RBFOX1: variants seen among roughly 807,000 people sequenced by gnomAD.
RBFOX1 encodes the protein RNA binding fox-1 homolog 1.
In RBFOX1, 8 loss-of-function variants were observed where a neutral mutation model predicts 57.7. The ratio of observed to expected loss-of-function variants is 0.14; its 90% confidence interval spans 0.08 to 0.25. RBFOX1 has a LOEUF of 0.25. Ranked by LOEUF, RBFOX1 falls within the 10% of genes least tolerant of loss-of-function variation. RBFOX1 has a pLI of 1.00. For missense variants in RBFOX1, 611 were observed against 548.5 expected, an observed-to-expected ratio of 1.11 and a Z score of -1.14; for synonymous variants, 326 against 222.4, an observed-to-expected ratio of 1.47 and a Z score of -4.15.
At chr16:5,914,697 C>G (rs1171564310) in intron 4 of RBFOX1, among the ~76,000 whole-genome samples, 1 of 152,102 alleles carries the variant, frequency 6.6e-6, no homozygotes, top group Admixed American at 6.6e-5. Flanking sequence ...GAGATTGAGA[C>G]CATCCTGGCT....
chr16:6,549,291 G>C (rs1320063003), intron 2 of RBFOX1, among the ~76,000 whole-genome samples: 1 of 6,332 alleles, frequency 1.6e-4, no homozygotes, highest in Admixed American at 1.3e-3. Flanking sequence ...GGAGGGAGGA[G>C]TAGGAGGGAG....
chr16:6,133,557 T>A (rs1015175964), intron 1 of RBFOX1, among the ~76,000 whole-genome samples: 1 of 152,176 alleles, frequency 6.6e-6, no homozygotes, highest in Admixed American at 6.5e-5. Flanking sequence ...CCCTCCCCAT[T>A]AGTTCTTTCA....
At chr16:6,032,712 CA>C (rs1453306812) in intron 1 of RBFOX1, among the ~76,000 whole-genome samples, 1 of 152,006 alleles carries the variant, frequency 6.6e-6, no homozygotes, top group Non-Finnish European at 1.5e-5. Flanking sequence ...AAAAACAACA[CA>C]AGTATATTCT....
At chr16:7,278,152 G>C (rs550523455) in intron 4 of RBFOX1, among the ~76,000 whole-genome samples, 2 of 152,128 alleles carry the variant, frequency 1.3e-5, no homozygotes, top group African/African-American at 4.8e-5. Context: ...GGTAAATTCT[G>C]TGCACGTGGT....
chr16:6,589,663 G>C (rs528080479), intron 2 of RBFOX1, among the ~76,000 whole-genome samples: 2 of 152,328 alleles, frequency 1.3e-5, no homozygotes, highest in Admixed American at 1.3e-4. Flanking sequence ...TTCTAATCTT[G>C]TGGCTCATTT....
At chr16:6,138,030 A>T (rs1197049574) in intron 1 of RBFOX1, among the ~76,000 whole-genome samples, 1 of 152,196 alleles carries the variant, frequency 6.6e-6, no homozygotes. Context: ...GCAACGCTTC[A>T]ATCCTAGGTG....
intron 4 of RBFOX1, among the ~76,000 whole-genome samples, chr16:7,419,633 G>A (rs2098520164): frequency 6.6e-6 from 1 of 152,202 alleles, no homozygotes; most frequent in South Asian, 2.1e-4. Context: ...CCTCTCCGCA[G>A]CCCTCAGGGA....
intron 4 of RBFOX1, among the ~76,000 whole-genome samples, chr16:7,242,003 G>A (rs2094089606): frequency 6.6e-6 from 1 of 152,012 alleles, no homozygotes; most frequent in Admixed American, 6.6e-5. Flanking sequence ...ACTTTGGATT[G>A]GTAATCCCTT....
chr16:7,624,211 A>G (rs79242153), intron 10 of RBFOX1, among the ~76,000 whole-genome samples: 1,894 of 152,322 alleles, frequency 0.012, 12 homozygotes, highest in Non-Finnish European at 0.022. Context: ...ATATTGAAAA[A>G]AGCTTTTTCT....
rs369779187 is a variant in RBFOX1 at position 7,399,313 on chromosome 16, G to A, written c.28-118834G>A. ...AAATACAAAATTAGCCAAGTGCGAT[G>A]GCGCATGCCTGTAATCGCAGCTACG... On this transcript the variant is annotated intron_variant, in intron 4 of 15. Coordinates refer to ENST00000550418, the MANE Select transcript of RBFOX1 (RefSeq NM_018723.4). 2.1e-4 allele frequency among the ~76,000 whole-genome samples: 32 copies of A among 152,296 alleles called. No homozygotes were observed. In the East Asian group the frequency reaches 6.2e-3, roughly 29 times the overall value.
At chr16:5,949,700 C>T (rs1467639692) in intron 4 of RBFOX1, among the ~76,000 whole-genome samples, 2 of 152,094 alleles carry the variant, frequency 1.3e-5, no homozygotes, top group Non-Finnish European at 2.9e-5. Context: ...TTTTGTAGAA[C>T]AGCAGTTCTC....
intron 3 of RBFOX1, among the ~76,000 whole-genome samples, chr16:6,923,502 C>A (rs1001854888): frequency 1.3e-5 from 2 of 152,044 alleles, no homozygotes; most frequent in Admixed American, 1.3e-4. Context: ...CACTGCACTC[C>A]AGCCTGGATG....
intron 3 of RBFOX1, among the ~76,000 whole-genome samples, chr16:5,788,223 G>A (rs1048807416): frequency 1.3e-5 from 2 of 152,170 alleles, no homozygotes; most frequent in African/African-American, 4.8e-5. Flanking sequence ...TACCCTGGAT[G>A]GAGAGAAGAA....
intron 3 of RBFOX1, among the ~76,000 whole-genome samples, chr16:6,809,141 G>A (rs1012318655): frequency 6.6e-6 from 1 of 152,126 alleles, no homozygotes; most frequent in African/African-American, 2.4e-5. Flanking sequence ...AGCTGTTTGT[G>A]TACCTCACTG....
chr16:6,294,000 A>T (rs992730227), intron 1 of RBFOX1, among the ~76,000 whole-genome samples: 3 of 152,156 alleles, frequency 2.0e-5, no homozygotes, highest in African/African-American at 7.2e-5. Flanking sequence ...CTTATCCTCT[A>T]AATATTTAAA....
At chr16:7,393,896 G>A (rs957741002) in intron 4 of RBFOX1, among the ~76,000 whole-genome samples, 8 of 152,110 alleles carry the variant, frequency 5.3e-5, no homozygotes, top group African/African-American at 1.7e-4. Context: ...TCAGCAGGAA[G>A]ATGGTTCATC....
intron 3 of RBFOX1, among the ~76,000 whole-genome samples, chr16:6,822,555 G>A (rs543018616): frequency 1.2e-3 from 189 of 152,310 alleles, no homozygotes; most frequent in Non-Finnish European, 2.0e-3. Flanking sequence ...ATGTCTTGCC[G>A]TGCACAGTGA....
At chr16:5,294,942 A>G (rs2063627200) in intron 1 of RBFOX1, among the ~76,000 whole-genome samples, 1 of 148,998 alleles carries the variant, frequency 6.7e-6, no homozygotes, top group Admixed American at 6.9e-5. Flanking sequence ...AGGCTGGAGA[A>G]TCCCTTGAGC....
At chr16:6,486,737 G>C (rs1050609181) in intron 2 of RBFOX1, among the ~76,000 whole-genome samples, 3 of 150,184 alleles carry the variant, frequency 2.0e-5, no homozygotes, top group Non-Finnish European at 4.4e-5. Flanking sequence ...TCAAATCTTT[G>C]TTTGCATTTA....
Sources: allele counts gnomAD v4.1 joint callset (sites outside exome capture counted in the v4.1 genomes callset), GRCh38; gene constraint gnomAD v4.1.1; transcripts MANE v1.5; gene names NCBI Gene and HGNC (gene_info 2026-07-23, HGNC 2026-07-21).